Variants in ZNF76 observed in about 807,000 individuals in gnomAD.
ZNF76 encodes zinc finger protein 76.
A neutral mutation model predicts 66.9 loss-of-function variants in ZNF76; 66 were observed. That is an observed-to-expected ratio of 0.99 (90% CI 0.81 to 1.21). ZNF76 has a LOEUF of 1.21. Ranked by LOEUF, ZNF76 falls within the 50% of genes most tolerant of loss-of-function variation. The pLI is 0.00. For missense variants in ZNF76, 729 were observed against 760.3 expected (o/e 0.96, Z 0.48); for synonymous variants, 275 against 296.1 (o/e 0.93, Z 0.73).
Position 35,290,288 on chromosome 6 carries a change from C to A in ZNF76, c.455C>A (p.Pro152His). The change falls in exon 6 of 14, where the codon CCC (proline) becomes CAC (histidine). Residue 152 changes from proline to histidine, a missense_variant. Pro to His is a moderately conservative substitution (Grantham distance 77). Coordinates refer to ENST00000373953, the MANE Select transcript of ZNF76 (RefSeq NM_003427.5). ...ASKVLHDSQI[P>H]RNGKGQQVGD... is the part of the protein sequence containing the mutation. ...CAGGTTCTTCATGACAGCCAGATTC[C>A]CCGTAATGGAAAAGGGCAGCAAGTT... The A allele has an allele frequency of 6.2e-7, 1 of 1,614,152 alleles. No individual in the cohort carries two copies. Among genetic ancestry groups the A allele is most frequent in the Non-Finnish European group, 8.5e-7 (1 of 1,180,026 alleles).
intron 1 of ZNF76, among the ~76,000 whole-genome samples, chr6:35,271,757 A>G (rs936469681): frequency 6.6e-6 from 1 of 152,078 alleles, no homozygotes; most frequent in African/African-American, 2.4e-5. Context: ...CCACTGTGAC[A>G]CTATTCCACA....
chr6:35,286,329 C>T lies in ZNF76; in HGVS notation c.162C>T (p.Leu54=). The change falls in exon 4 of 14, where the codon CTC becomes CTT. Residue 54 remains leucine, a synonymous_variant. Transcript: ENST00000373953. ...IHQVTVQKEA[L]SFEDGQPVQL... is the part of the protein sequence containing the mutation. ...GCATTGCTCTCGTTACAGAAGCTCT[C>T]TCCTTTGAGGATGGTCAGCCTGTGC... 1.9e-6 allele frequency: 3 copies of T among 1,614,216 alleles called. No homozygotes were observed. The highest frequency in any genetic ancestry group is 2.5e-6 in the Non-Finnish European group (3 of 1,180,038).
At chr6:35,280,604 TTGGGACACATTG>T (rs1788639919) in intron 1 of ZNF76, among the ~76,000 whole-genome samples, 1 of 143,634 alleles carries the variant, frequency 7.0e-6, no homozygotes, top group Non-Finnish European at 1.5e-5. Flanking sequence ...TTCTGGAAGG[TTGGGACACATTG>T]TGAGTTCTGT....
intron 1 of ZNF76, among the ~76,000 whole-genome samples, chr6:35,265,294 G>C (rs1785836252): frequency 2.0e-5 from 3 of 152,088 alleles, no homozygotes; most frequent in Admixed American, 2.0e-4. Context: ...ATAACATGAG[G>C]CCAGGAGTTT....
rs745802031 is a variant in ZNF76 at position 35,295,425 on chromosome 6, G to T, written c.*177G>T. The T allele has an allele frequency of 6.0e-6, 4 of 665,150 alleles. No individual in the cohort carries two copies. The highest frequency in any genetic ancestry group is 1.1e-5 in the Non-Finnish European group (4 of 364,454). 41.2% of individuals were successfully genotyped at this position (665,150 alleles called of 1,614,324 possible). On this transcript the variant is annotated 3_prime_UTR_variant, in exon 14 of 14. Coordinates refer to ENST00000373953, the MANE Select transcript of ZNF76 (RefSeq NM_003427.5). ...GGGAATGGGGGCCCTGCTCAAGAAG[G>T]GGGCCAGGCAGCTGGAATCAGGGGA...
At chr6:35,270,928 G>A (rs1257288435) in intron 1 of ZNF76, among the ~76,000 whole-genome samples, 1 of 152,176 alleles carries the variant, frequency 6.6e-6, no homozygotes, top group Admixed American at 6.5e-5. Flanking sequence ...GTTGCAGTGA[G>A]CCAAGATCAC....
Position 35,281,083 on chromosome 6 carries a change from C to A in ZNF76, c.-69C>A. 1.4e-6 allele frequency: 2 copies of A among 1,438,764 alleles called. No individual in the cohort carries two copies. The highest frequency in any genetic ancestry group is 9.8e-7 in the Non-Finnish European group (1 of 1,020,272). 89.1% of individuals were successfully genotyped at this position (1,438,764 alleles called of 1,614,324 possible). On this transcript the variant is annotated 5_prime_UTR_variant, in exon 2 of 14. Transcript: ENST00000373953. ...TTGTGACCCAGAAGGAAATCTCTGA[C>A]CTCAGCTGTGGCTCTTGGTGCTGGC...
In ZNF76 at chr6:35,295,794, C is replaced by T. The variant is rs182782667; in HGVS notation, c.*546C>T. The T allele has an allele frequency of 7.5e-3, 1,406 of 187,276 alleles. 11 individuals carry two copies. The highest frequency in any genetic ancestry group is 0.02 in the Middle Eastern group (8 of 408). The allele number at this position is 187,276 out of a possible 1,614,324, so 11.6% of individuals were successfully genotyped here. A position where few individuals can be genotyped will look rare whatever the true frequency, so the allele number is the denominator to read the frequency against. ...CTGTGGCTGAAGAAAAGGTGCCCAGCCCCCACCACTCCTCAGCTGCCCCCC... is the reference window on the plus strand; with the variant it reads ...CTGTGGCTGAAGAAAAGGTGCCCAGTCCCCACCACTCCTCAGCTGCCCCCC... On this transcript the variant is annotated 3_prime_UTR_variant, in exon 14 of 14. Coordinates refer to ENST00000373953, the MANE Select transcript of ZNF76 (RefSeq NM_003427.5).
At chr6:35,281,644 C>G (rs1788783440) in intron 2 of ZNF76, among the ~76,000 whole-genome samples, 1 of 152,108 alleles carries the variant, frequency 6.6e-6, no homozygotes, top group African/African-American at 2.4e-5. Flanking sequence ...ACAAGATGCT[C>G]TTTTAAGCCA....
At chr6:35,269,902 A>G (rs1216913052) in intron 1 of ZNF76, among the ~76,000 whole-genome samples, 3 of 152,158 alleles carry the variant, frequency 2.0e-5, no homozygotes, top group Non-Finnish European at 4.4e-5. Context: ...TCAGCTTTCC[A>G]TATGATGTTA....
At chr6:35,276,920 C>T (rs1787989194) in intron 1 of ZNF76, among the ~76,000 whole-genome samples, 1 of 151,094 alleles carries the variant, frequency 6.6e-6, no homozygotes, top group South Asian at 2.1e-4. Context: ...CCTCAGCCTC[C>T]CAAGTAGCTA....
intron 1 of ZNF76, among the ~76,000 whole-genome samples, chr6:35,269,419 G>A (rs1786683759): frequency 6.6e-6 from 1 of 152,078 alleles, no homozygotes; most frequent in South Asian, 2.1e-4. Context: ...GGAAGCCAGA[G>A]TGCCTCTTTT....
In ZNF76 at chr6:35,293,740, C is replaced by T. The variant is rs1316542560; in HGVS notation, c.1330-11C>T. 11 of 1,612,964 alleles carry T rather than the reference C, an allele frequency of 6.8e-6. No homozygotes were observed. Among genetic ancestry groups the T allele is most frequent in the Non-Finnish European group, 8.5e-6 (10 of 1,179,366 alleles). On this transcript the variant is annotated splice_polypyrimidine_tract_variant and intron_variant, in intron 11 of 13. Coordinates refer to ENST00000373953, the MANE Select transcript of ZNF76 (RefSeq NM_003427.5). ...TGACACTGCCAGCTCATCTTCCCCT[C>T]CTGTTGGCAGGTCAGCCTGTCCCCG...
chr6:35,292,812 G>C lies in ZNF76; in HGVS notation c.1165+25G>C, dbSNP rs776265064. ...GGTAAGGGGAGTGGGCAGAGGGTGA[G>C]AGTGGGGACAAGCCAGGCCTCCCCA... On this transcript the variant is annotated intron_variant, in intron 10 of 13. Transcript: ENST00000373953. The surrounding 1 kb of genome is among the most constrained non-coding windows in gnomAD (Gnocchi z 4.7). The C allele has an allele frequency of 3.7e-6, 6 of 1,613,904 alleles. No individual in the cohort carries two copies. In the Admixed American group the frequency reaches 8.3e-5, roughly 22 times the overall value.
rs191408244 is a variant in ZNF76 at position 35,284,955 on chromosome 6, C to A, written c.74-1173C>A. ...CAAACTCCTGAGCTCAAGCGATCCACCCGCCTTGGCCTCCCAAAGTGTTGG... is the reference window on the plus strand; with the variant it reads ...CAAACTCCTGAGCTCAAGCGATCCAACCGCCTTGGCCTCCCAAAGTGTTGG... On this transcript the variant is annotated intron_variant, in intron 2 of 13. Coordinates refer to ENST00000373953, the MANE Select transcript of ZNF76 (RefSeq NM_003427.5). Among the ~76,000 whole-genome samples the A allele has an allele frequency of 7.2e-5, 11 of 152,322 alleles. No individual in the cohort carries two copies. In the East Asian group the frequency reaches 2.1e-3, roughly 29 times the overall value.
intron 4 of ZNF76, chr6:35,286,704 T>G: frequency 2.1e-6 from 1 of 465,494 alleles, no homozygotes; most frequent in South Asian, 3.0e-5. Flanking sequence ...GAGGATATCA[T>G]CCAAGACCAG....
In ZNF76 at chr6:35,291,261, C is replaced by G. The variant is rs776435256; in HGVS notation, c.626-17C>G. On this transcript the variant is annotated splice_polypyrimidine_tract_variant and intron_variant, in intron 7 of 13. Transcript: ENST00000373953. ...ACTGGGTGCTCATCTCACCCCCTGC[C>G]TGCCACATATGGACAGGCTATGGAC... 1.9e-6 allele frequency: 3 copies of G among 1,597,584 alleles called. No homozygotes were observed. Among genetic ancestry groups the G allele is most frequent in the Non-Finnish European group, 2.6e-6 (3 of 1,171,888 alleles).
In ZNF76 at chr6:35,287,763, TG is replaced by T. The variant is rs766198288; in HGVS notation, c.353del (p.Gly118AlafsTer65). The T allele has an allele frequency of 1.2e-6, 2 of 1,614,118 alleles. No individual in the cohort carries two copies. Among genetic ancestry groups the T allele is most frequent in the Admixed American group, 3.3e-5 (2 of 60,020 alleles). ...ESTILAVQTE[V>X]GLEDLAAEDD... The stretch of plus-strand genomic sequence containing the variant: ...ACCATCCTGGCCGTACAGACAGAGG[TG>T]GGCTTGGAGGACCTGGCAGCAGAGG... On this transcript the variant is annotated frameshift_variant, in exon 5 of 14. Transcript: ENST00000373953. LOFTEE classifies it high-confidence loss of function. The surrounding 1 kb of genome is among the most constrained non-coding windows in gnomAD (Gnocchi z 4.0).
intron 1 of ZNF76, among the ~76,000 whole-genome samples, chr6:35,268,176 A>G (rs1786435300): frequency 6.6e-6 from 1 of 152,202 alleles, no homozygotes; most frequent in African/African-American, 2.4e-5. Context: ...CAGGAACTTA[A>G]ATTATAATCA....
Sources: allele counts gnomAD v4.1 joint callset (sites outside exome capture counted in the v4.1 genomes callset), GRCh38; gene constraint gnomAD v4.1.1; non-coding constraint Gnocchi (gnomAD v3.1); transcripts MANE v1.5; gene names NCBI Gene and HGNC (gene_info 2026-07-23, HGNC 2026-07-21).